PDE4D: variants seen among roughly 807,000 people sequenced by gnomAD.
The protein encoded by PDE4D is 3',5'-cyclic-AMP phosphodiesterase 4D.
Under a neutral mutation model 87.4 loss-of-function variants are expected in PDE4D, and 24 were observed. That is an observed-to-expected ratio of 0.27 (90% CI 0.20 to 0.39). The LOEUF (loss-of-function observed/expected upper bound fraction) is 0.39, where lower values mean the gene tolerates loss of function less well. Among genes scored for constraint, PDE4D ranks in the 10% least tolerant of loss-of-function variants. PDE4D has a pLI of 1.00. For missense variants in PDE4D, 714 were observed against 1,041.0 expected, an observed-to-expected ratio of 0.69 and a Z score of 4.32; for synonymous variants, 384 against 383.2, an observed-to-expected ratio of 1.00 and a Z score of -0.02.
chr5:60,488,075 T>A (rs370986800), exon 1 of PDE4D: 1 of 152,636 alleles, frequency 6.6e-6, no homozygotes, highest in African/African-American at 2.4e-5. Context: ...GGACTCGTGC[T>A]TCTCGTACGC....
chr5:59,466,637 T>C (rs1801621411), intron 1 of PDE4D, among the ~76,000 whole-genome samples: 1 of 152,176 alleles, frequency 6.6e-6, no homozygotes, highest in African/African-American at 2.4e-5. Context: ...AAAAAGAGGC[T>C]CTCATTTGGT....
At chr5:58,997,277 A>G (rs1175487839) in intron 6 of PDE4D, among the ~76,000 whole-genome samples, 1 of 152,130 alleles carries the variant, frequency 6.6e-6, no homozygotes, top group Admixed American at 6.6e-5. Flanking sequence ...CTGGTAGTTG[A>G]TCTCACAAAT....
chr5:59,511,664 G>A (rs1810301130), intron 1 of PDE4D, among the ~76,000 whole-genome samples: 1 of 151,954 alleles, frequency 6.6e-6, no homozygotes, highest in Admixed American at 6.6e-5. Flanking sequence ...TATAAGTAGA[G>A]TAGCTATGTT....
intron 1 of PDE4D, among the ~76,000 whole-genome samples, chr5:60,427,956 G>A (rs1583727182): frequency 6.6e-6 from 1 of 152,070 alleles, no homozygotes; most frequent in South Asian, 2.1e-4. Flanking sequence ...ACATGACTGA[G>A]TCCCAGCTAC....
chr5:59,514,186 T>C (rs929153056), intron 1 of PDE4D, among the ~76,000 whole-genome samples: 35 of 151,500 alleles, frequency 2.3e-4, no homozygotes, highest in Non-Finnish European at 4.4e-4. Flanking sequence ...GCTCACTGCA[T>C]GCTCCGCCTC....
At chr5:60,521,627 C>T (rs989795916) in intron 1 of PDE4D, 10 of 151,404 alleles carry the variant, frequency 6.6e-5, no homozygotes, top group African/African-American at 2.4e-4. Flanking sequence ...GTGAAGGAAG[C>T]AAATGAGAAA....
At chr5:59,199,463 T>C (rs983028104) in intron 2 of PDE4D, among the ~76,000 whole-genome samples, 2 of 152,128 alleles carry the variant, frequency 1.3e-5, no homozygotes, top group Non-Finnish European at 2.9e-5. Context: ...TATTCTCCTC[T>C]GAAGTTTGTC....
chr5:60,053,041 G>A (rs1285062524), intron 2 of PDE4D, among the ~76,000 whole-genome samples: 1 of 152,090 alleles, frequency 6.6e-6, no homozygotes, highest in Non-Finnish European at 1.5e-5. Flanking sequence ...AATAAGAGAG[G>A]ACAAAAACAA....
chr5:59,593,809 T>C (rs1303605350), intron 1 of PDE4D, among the ~76,000 whole-genome samples: 1 of 152,106 alleles, frequency 6.6e-6, no homozygotes, highest in African/African-American at 2.4e-5. Context: ...AGGAACCCAG[T>C]AATAGGGAGG....
intron 1 of PDE4D, among the ~76,000 whole-genome samples, chr5:59,619,247 C>G (rs1830070855): frequency 6.6e-6 from 1 of 152,016 alleles, no homozygotes; most frequent in African/African-American, 2.4e-5. Context: ...GGTGGTAGAG[C>G]AGATTGGATG....
chr5:59,175,443 A>T (rs2153475284), intron 5 of PDE4D, among the ~76,000 whole-genome samples: 1 of 150,346 alleles, frequency 6.7e-6, no homozygotes, highest in Non-Finnish European at 1.5e-5. Flanking sequence ...GTTCCTCATC[A>T]CATTCGGAAC....
intron 1 of PDE4D, among the ~76,000 whole-genome samples, chr5:59,831,524 C>T (rs1741247937): frequency 6.6e-6 from 1 of 152,044 alleles, no homozygotes; most frequent in South Asian, 2.1e-4. Context: ...CCTGTAATCA[C>T]TGCACCAATC....
intron 1 of PDE4D, chr5:59,217,186 A>G (rs1163850415): frequency 1.1e-5 from 5 of 455,578 alleles, no homozygotes; most frequent in East Asian, 6.9e-5. Context: ...AATAAAGTCA[A>G]CTTTCATGTG....
intron 2 of PDE4D, among the ~76,000 whole-genome samples, chr5:60,126,843 T>G (rs1779161365): frequency 6.6e-6 from 1 of 152,350 alleles, no homozygotes; most frequent in South Asian, 2.1e-4. Flanking sequence ...TAGGTACTAC[T>G]GATGCAGTGA....
At chr5:60,055,732 T>A (rs933237149) in intron 2 of PDE4D, among the ~76,000 whole-genome samples, 1 of 152,122 alleles carries the variant, frequency 6.6e-6, no homozygotes, top group Admixed American at 6.6e-5. Context: ...GGTCACTCAG[T>A]CAGTAAGTGG....
chr5:59,713,592 G>C (rs888170904), intron 1 of PDE4D, among the ~76,000 whole-genome samples: 2 of 152,092 alleles, frequency 1.3e-5, no homozygotes, highest in African/African-American at 4.8e-5. Context: ...TTGGCATCAC[G>C]AACAGGATCC....
intron 1 of PDE4D, among the ~76,000 whole-genome samples, chr5:60,343,696 T>C (rs1758501899): frequency 6.6e-6 from 1 of 151,974 alleles, no homozygotes; most frequent in Non-Finnish European, 1.5e-5. Context: ...ACCAAGATAT[T>C]TCTCTCCTCT....
At chr5:60,077,458 A>G (rs1773429256) in intron 2 of PDE4D, among the ~76,000 whole-genome samples, 1 of 152,090 alleles carries the variant, frequency 6.6e-6, no homozygotes, top group South Asian at 2.1e-4. Context: ...GTCAGGCCTA[A>G]CCCACTAGAA....
intron 2 of PDE4D, among the ~76,000 whole-genome samples, chr5:60,055,543 T>C (rs1039969328): frequency 6.6e-6 from 1 of 152,148 alleles, no homozygotes; most frequent in African/African-American, 2.4e-5. Context: ...AAAATGTATA[T>C]ATTGGAATAA....
Sources: allele counts gnomAD v4.1 joint callset (sites outside exome capture counted in the v4.1 genomes callset), GRCh38; gene constraint gnomAD v4.1.1; transcripts MANE v1.5; gene names NCBI Gene and HGNC (gene_info 2026-07-23, HGNC 2026-07-21).